PHC2: variants seen among roughly 807,000 people sequenced by gnomAD.
The protein encoded by PHC2 is polyhomeotic-like protein 2.
In PHC2, 29 loss-of-function variants were observed where a neutral mutation model predicts 87.4. The ratio of observed to expected loss-of-function variants is 0.33; its 90% CI spans 0.25 to 0.45. The LOEUF is 0.45. PHC2 is among the 20% of genes least tolerant of loss of function. The pLI is 1.00. For synonymous variants in PHC2, 438 were observed against 461.7 expected (o/e 0.95, Z 0.66); for missense variants, 857 against 1,136.7 (o/e 0.75, Z 3.54).
chr1:33,350,455 T>C (rs1038296055), intron 9 of PHC2: 1 of 152,262 alleles, frequency 6.6e-6, no homozygotes, highest in Non-Finnish European at 1.5e-5. Flanking sequence ...CCCGTAAGTG[T>C]TGGTTATCTT....
intron 1 of PHC2, among the ~76,000 whole-genome samples, chr1:33,419,662 T>C (rs963714617): frequency 2.6e-5 from 4 of 152,088 alleles, no homozygotes; most frequent in Non-Finnish European, 5.9e-5. Context: ...CAGGCTGGAG[T>C]GCAGTGGCGC....
Position 33,349,801 on chromosome 1 carries a change from C to T in PHC2, c.1558+4600G>A. 2.0e-6 allele frequency: 2 copies of T among 976,852 alleles called. No individual in the cohort carries two copies. Among genetic ancestry groups the T allele is most frequent in the Non-Finnish European group, 1.2e-6 (1 of 825,286 alleles). 60.5% of individuals were successfully genotyped at this position (976,852 alleles called of 1,614,324 possible). ...GGGCGGCCGGGGCGCGAGGCCGGGA[C>T]GGGGGCGCGAGGCCGGGGCGGGAGC... On this transcript the variant is annotated intron_variant, in intron 9 of 14. Coordinates refer to ENST00000683057, the MANE Select transcript of PHC2 (RefSeq NM_001385109.1). This position sits in a 1 kb window ranked among gnomAD's most constrained non-coding sequence, Gnocchi z 4.2.
rs377077362 is a variant in PHC2, at chr1:33,372,413, G to A, written c.209C>T (p.Thr70Met). The A allele has an allele frequency of 8.1e-6, 13 of 1,598,626 alleles. No homozygotes were observed. The African/African-American group carries it at 9.4e-5, about 12-fold the overall frequency. The part of the protein sequence containing the change: ...IQQALHRQPS[T>M]AAQYLQQMYA... ...CATCTGCTGCAGGTACTGAGCGGCC[G>A]TGCTGGGCTGTCTGTGCAGGGCCTG... The change falls in exon 3 of 15, where the codon ACG becomes ATG. Residue 70 changes from threonine (T) to methionine (M), a missense_variant. Physicochemically the swap from Thr to Met is moderately conservative, Grantham distance 81. Coordinates refer to ENST00000683057, the MANE Select transcript of PHC2 (RefSeq NM_001385109.1).
At chr1:33,373,678 C>T (rs1229356237) in intron 2 of PHC2, among the ~76,000 whole-genome samples, 1 of 152,120 alleles carries the variant, frequency 6.6e-6, no homozygotes, top group African/African-American at 2.4e-5. Flanking sequence ...CACTGGTCAC[C>T]CTCCTGCCAT....
intron 1 of PHC2, among the ~76,000 whole-genome samples, chr1:33,411,864 C>T (rs1240387878): frequency 1.3e-5 from 2 of 152,148 alleles, no homozygotes; most frequent in South Asian, 2.1e-4. Context: ...CGGGCCTGAT[C>T]ATCTTTATAG....
At chr1:33,375,245 T>C (rs1259906157) in intron 2 of PHC2, 121 bp downstream of exon 2, 19 of 779,220 alleles carry the variant, frequency 2.4e-5, no homozygotes, top group Non-Finnish European at 3.1e-5. Context: ...ACGAACTCAC[T>C]CCCATATGCC....
At chr1:33,371,610 G>A (rs1239800222) in intron 3 of PHC2, among the ~76,000 whole-genome samples, 2 of 152,172 alleles carry the variant, frequency 1.3e-5, no homozygotes, top group Non-Finnish European at 2.9e-5. Flanking sequence ...CCCCATGGCC[G>A]GCTTCTCATC....
At chr1:33,367,094 T>C in intron 7 of PHC2, 22 bp downstream of exon 7, 2 of 1,573,844 alleles carry the variant, frequency 1.3e-6, no homozygotes, top group Non-Finnish European at 1.7e-6. Context: ...GGGAAAGGAT[T>C]CCTGCTTCCT....
intron 3 of PHC2, among the ~76,000 whole-genome samples, chr1:33,371,334 G>A (rs1458646273): frequency 2.2e-5 from 3 of 136,752 alleles, no homozygotes; most frequent in Admixed American, 8.4e-5. Flanking sequence ...GCAAGGCATT[G>A]CCACTGAGCA....
At chr1:33,410,140 G>A (rs955217885) in intron 1 of PHC2, among the ~76,000 whole-genome samples, 1 of 152,148 alleles carries the variant, frequency 6.6e-6, no homozygotes, top group Non-Finnish European at 1.5e-5. Flanking sequence ...GAATGAGCTG[G>A]AATTTCCAGG....
intron 7 of PHC2, among the ~76,000 whole-genome samples, chr1:33,359,404 T>C (rs973948683): frequency 4.6e-5 from 7 of 152,212 alleles, no homozygotes; most frequent in African/African-American, 1.7e-4. Context: ...TCCACTATAG[T>C]TGACTAGAGT....
intron 1 of PHC2, among the ~76,000 whole-genome samples, chr1:33,429,499 C>T (rs1283383358): frequency 1.3e-5 from 2 of 152,204 alleles, no homozygotes; most frequent in African/African-American, 4.8e-5. Flanking sequence ...TCCTATTTAT[C>T]CTTCAACACC....
Position 33,324,131 on chromosome 1 carries a change from T to G in PHC2, c.*734A>C, listed in dbSNP as rs1223170951. The G allele has an allele frequency of 6.5e-6, 1 of 152,718 alleles. No individual in the cohort carries two copies. The highest frequency in any genetic ancestry group is 2.4e-5 in the African/African-American group (1 of 41,466). The allele number at this position is 152,718 out of a possible 1,614,324, so 9.5% of individuals were successfully genotyped here. A position where few individuals can be genotyped will look rare whatever the true frequency, so the allele number is the denominator to read the frequency against. On this transcript the variant is annotated 3_prime_UTR_variant, in exon 15 of 15. Transcript: ENST00000683057. ...TCTCTTTCTGACCTTGCCTCTGCGC[T>G]GAGGCTGCCATTCTTGGCTATTCCC...
chr1:33,363,807 T>C, intron 7 of PHC2: 1 of 985,270 alleles, frequency 1.0e-6, no homozygotes, highest in Non-Finnish European at 1.2e-6. Flanking sequence ...CCAAGTCTCC[T>C]ATCTGGGGCT....
Position 33,331,547 on chromosome 1 carries a change from C to T in PHC2, c.1892-85G>A, listed in dbSNP as rs1646497867. 1 of 745,404 alleles carries T rather than the reference C, an allele frequency of 1.3e-6. No individual in the cohort carries two copies. The highest frequency in any genetic ancestry group is 1.6e-5 in the South Asian group (1 of 62,192). 46.2% of individuals were successfully genotyped at this position (745,404 alleles called of 1,614,324 possible). A position where few individuals can be genotyped will look rare whatever the true frequency, so the allele number is the denominator to read the frequency against. On this transcript the variant is annotated intron_variant, in intron 11 of 14. Transcript: ENST00000683057. This position sits in a 1 kb window ranked among gnomAD's most constrained non-coding sequence, Gnocchi z 5.2. ...GCCCCACCACGGGGCCTCCCTACTC[C>T]ATCCTGCCTGGTCCTCCTGCTCCCA...
In PHC2 at chr1:33,349,727, G is replaced by T; in HGVS notation, c.1558+4674C>A. 1 of 995,380 alleles carries T rather than the reference G, an allele frequency of 1.0e-6. No individual in the cohort carries two copies. Among genetic ancestry groups the T allele is most frequent in the Admixed American group, 5.5e-5 (1 of 18,224 alleles). 61.7% of individuals were successfully genotyped at this position (995,380 alleles called of 1,614,324 possible). A position where few individuals can be genotyped will look rare whatever the true frequency, so the allele number is the denominator to read the frequency against. On this transcript the variant is annotated intron_variant, in intron 9 of 14. Transcript: ENST00000683057. This position sits in a 1 kb window ranked among gnomAD's most constrained non-coding sequence, Gnocchi z 4.2. ...CCGGGAGCCTCCGAGCCGGGGCCCG[G>T]GGCTGCCGCGGCGCATCCGACCGCA...
At position 33,370,505 on chromosome 1, in the gene PHC2, G is replaced by A. The variant is rs1398441288; in HGVS notation, c.492C>T (p.Ile164=). The change falls in exon 5 of 15, where the codon ATC becomes ATT. Residue 164 remains isoleucine, a synonymous_variant. Transcript: ENST00000683057. Reference sequence around the variant, plus strand: ...TGCCCAAGAGCACAGCCTGCTGAGCGATGCCTGAGGCTGCTGCAGAGTTCA... The same window carrying A: ...TGCCCAAGAGCACAGCCTGCTGAGCAATGCCTGAGGCTGCTGCAGAGTTCA... ...QSVNSAAASG[I]AQQAVLLGNT... 7.4e-6 allele frequency: 12 copies of A among 1,613,970 alleles called. No homozygotes were observed. The highest frequency in any genetic ancestry group is 1.3e-5 in the African/African-American group (1 of 74,930).
chr1:33,393,177 T>C (rs1394845447), intron 1 of PHC2, among the ~76,000 whole-genome samples: 1 of 152,194 alleles, frequency 6.6e-6, no homozygotes, highest in Non-Finnish European at 1.5e-5. Flanking sequence ...CACTGATAAC[T>C]GGCGCCCAGA....
chr1:33,370,900 C>T (rs192016768), intron 4 of PHC2, 117 bp downstream of exon 4: 44 of 862,028 alleles, frequency 5.1e-5, no homozygotes, highest in Admixed American at 1.4e-4. Context: ...CCGGTAAGGG[C>T]AATAGATTCC....
Sources: allele counts gnomAD v4.1 joint callset (sites outside exome capture counted in the v4.1 genomes callset), GRCh38; gene constraint gnomAD v4.1.1; non-coding constraint Gnocchi (gnomAD v3.1); transcripts MANE v1.5; gene names NCBI Gene and HGNC (gene_info 2026-07-23, HGNC 2026-07-21).